The following MCPH1 variants were observed in gnomAD, a reference collection of about 807,000 sequenced individuals.
MCPH1 encodes the protein microcephalin 1.
MCPH1 carries 104 observed loss-of-function variants against 84.5 expected under a neutral mutation model. The ratio of observed to expected loss-of-function variants is 1.23; its 90% CI spans 1.05 to 1.45. The LOEUF (loss-of-function observed/expected upper bound fraction) is 1.45. Among genes scored for constraint, MCPH1 ranks in the 40% most tolerant of loss-of-function variants. MCPH1 has a pLI of 0.00. For missense variants in MCPH1, 1,498 were observed against 1,005.7 expected, an observed-to-expected ratio of 1.49 and a Z score of -6.62; for synonymous variants, 514 against 366.8, an observed-to-expected ratio of 1.40 and a Z score of -4.58.
intron 9 of MCPH1, among the ~76,000 whole-genome samples, chr8:6,460,870 G>T (rs546029557): frequency 1.3e-5 from 2 of 152,198 alleles, no homozygotes; most frequent in Non-Finnish European, 2.9e-5. Flanking sequence ...CAAATAGCTG[G>T]GGCTTGTTTG....
chr8:6,592,623 G>GTTTTTTTTTTTTTTTTTTTTT (rs573651366), intron 12 of MCPH1, among the ~76,000 whole-genome samples: 6 of 77,580 alleles, frequency 7.7e-5, no homozygotes, highest in Admixed American at 3.3e-4. Flanking sequence ...TCTTTTTTTT[G>GTTTTTTTTTTTTTTTTTTTTT]TTTTTTTTTT....
intron 12 of MCPH1, among the ~76,000 whole-genome samples, chr8:6,564,222 C>T (rs898373656): frequency 2.6e-5 from 4 of 152,154 alleles, no homozygotes; most frequent in Admixed American, 6.5e-5. Context: ...GTGATCGACT[C>T]GCCTTTGGCC....
intron 13 of MCPH1, among the ~76,000 whole-genome samples, 162 bp downstream of exon 13, chr8:6,621,853 C>G (rs191623170): frequency 7.9e-5 from 12 of 152,096 alleles, no homozygotes; most frequent in Admixed American, 1.3e-4. Flanking sequence ...TGGTCACCCT[C>G]GGCATTCCCG....
chr8:6,474,948 G>C (rs148853880), intron 9 of MCPH1, among the ~76,000 whole-genome samples: 1 of 152,286 alleles, frequency 6.6e-6, no homozygotes, highest in African/African-American at 2.4e-5. Flanking sequence ...CTAAATGTGT[G>C]AACTTGAATT....
At chr8:6,640,292 G>C (rs1442333206) in intron 13 of MCPH1, among the ~76,000 whole-genome samples, 1 of 151,988 alleles carries the variant, frequency 6.6e-6, no homozygotes, top group Non-Finnish European at 1.5e-5. Flanking sequence ...TGATACACAA[G>C]GCTGCAGCAA....
chr8:6,419,394 A>G lies in MCPH1; in HGVS notation c.233+4511A>G, dbSNP rs2440434. On this transcript the variant is annotated intron_variant, in intron 3 of 13. Transcript: ENST00000344683. ...TGCCACCATGCCCAGCCATTAAAAA[A>G]TTTTTTTTTTCTTTTTTCTTTTTGA... 6.6e-3 allele frequency among the ~76,000 whole-genome samples: 994 copies of G among 151,226 alleles called. 15 individuals carry two copies. The highest frequency in any genetic ancestry group is 0.022 in the African/African-American group (901 of 41,114).
At chr8:6,514,515 C>G (rs1815847400) in intron 12 of MCPH1, among the ~76,000 whole-genome samples, 1 of 152,084 alleles carries the variant, frequency 6.6e-6, no homozygotes, top group Admixed American at 6.6e-5. Context: ...TACAGTTTAC[C>G]TTATATTGGC....
intron 3 of MCPH1, among the ~76,000 whole-genome samples, chr8:6,429,238 C>T (rs553283323): frequency 6.6e-6 from 1 of 152,206 alleles, no homozygotes; most frequent in Non-Finnish European, 1.5e-5. Context: ...TTTCCCTGAG[C>T]TTGGCCTGGT....
chr8:6,548,043 A>G (rs1822926489), intron 12 of MCPH1, among the ~76,000 whole-genome samples: 1 of 152,152 alleles, frequency 6.6e-6, no homozygotes, highest in Admixed American at 6.5e-5. Context: ...TCCAAGTGCC[A>G]GCTTAAACTT....
intron 11 of MCPH1, among the ~76,000 whole-genome samples, chr8:6,481,260 T>G (rs1009937865): frequency 1.3e-5 from 2 of 152,208 alleles, no homozygotes; most frequent in African/African-American, 4.8e-5. Context: ...GCCAAAATAA[T>G]TCAGTGATTG....
intron 12 of MCPH1, among the ~76,000 whole-genome samples, chr8:6,556,188 A>G (rs1162925215): frequency 6.6e-6 from 1 of 152,156 alleles, no homozygotes; most frequent in African/African-American, 2.4e-5. Context: ...TAAAGAGGTA[A>G]TTTAAAATAT....
Position 6,414,815 on chromosome 8 carries a change from C to A in MCPH1, c.165C>A (p.Gly55=), listed in dbSNP as rs772896845. The A allele has an allele frequency of 6.9e-5, 112 of 1,613,600 alleles. 1 individual carries two copies. In the Admixed American group the frequency reaches 1.8e-3, roughly 26 times the overall value. The change falls in exon 3 of 14, where the codon GGC becomes GGA. Residue 55 remains glycine (G), a synonymous_variant. Transcript: ENST00000344683. ...TAACTCACGTTATCTTCAAAGATGG[C>A]TACCAGAGCACTTGGGACAAAGCTC... ...KQVTHVIFKD[G]YQSTWDKAQK... is the part of the protein sequence containing the mutation.
At chr8:6,632,763 T>G (rs1797261305) in intron 13 of MCPH1, among the ~76,000 whole-genome samples, 1 of 151,410 alleles carries the variant, frequency 6.6e-6, no homozygotes, top group African/African-American at 2.4e-5. Flanking sequence ...GAGCCAAGAG[T>G]GCGCCATTGC....
chr8:6,412,137 TG>T (rs1001990382), intron 2 of MCPH1, among the ~76,000 whole-genome samples: 2 of 152,110 alleles, frequency 1.3e-5, no homozygotes, highest in African/African-American at 4.8e-5. Flanking sequence ...ATGCCTGTCT[TG>T]AGTAAGAGGT....
Position 6,477,534 on chromosome 8 carries a change from G to A in MCPH1, c.1936-60G>A, listed in dbSNP as rs978436280. The A allele has an allele frequency of 2.0e-6, 3 of 1,473,666 alleles. No homozygotes were observed. Among genetic ancestry groups the A allele is most frequent in the African/African-American group, 1.4e-5 (1 of 71,990 alleles). The allele number at this position is 1,473,666 out of a possible 1,614,324, so 91.3% of individuals were successfully genotyped here. On this transcript the variant is annotated intron_variant, in intron 9 of 13. Coordinates refer to ENST00000344683, the MANE Select transcript of MCPH1 (RefSeq NM_024596.5). ...AAAACTTATTACAGTTTATTTCTGT[G>A]GGAAAAATATTTTTTATGTTTTTGA... is the stretch of plus-strand genomic sequence containing the variant.
chr8:6,421,850 A>G (rs935074322), intron 3 of MCPH1, among the ~76,000 whole-genome samples: 1 of 151,790 alleles, frequency 6.6e-6, no homozygotes, highest in East Asian at 1.9e-4. Context: ...GCGTCTTCCA[A>G]ATGCTCTGGG....
In MCPH1 at chr8:6,564,620, T is replaced by A. The variant is rs2515509; in HGVS notation, c.2215-56834T>A. 2.0e-5 allele frequency among the ~76,000 whole-genome samples: 3 copies of A among 152,096 alleles called. No individual in the cohort carries two copies. The East Asian group carries it at 5.8e-4, about 29-fold the overall frequency. ...AAGGTACAAGGTTTATTATTCCCAG[T>A]GAGCGCTGAATAGCTGGTACACTGA... On this transcript the variant is annotated intron_variant, in intron 12 of 13. Coordinates refer to ENST00000344683, the MANE Select transcript of MCPH1 (RefSeq NM_024596.5).
intron 9 of MCPH1, among the ~76,000 whole-genome samples, chr8:6,475,665 G>A (rs1808352923): frequency 6.6e-6 from 1 of 152,238 alleles, no homozygotes; most frequent in Non-Finnish European, 1.5e-5. Flanking sequence ...AATGAATGAA[G>A]TGTCAGGCAT....
At chr8:6,464,258 G>T (rs1396682495) in intron 9 of MCPH1, among the ~76,000 whole-genome samples, 1 of 152,184 alleles carries the variant, frequency 6.6e-6, no homozygotes, top group Non-Finnish European at 1.5e-5. Context: ...CCCAGAGCTG[G>T]CAGTGGCGGG....
Sources: allele counts gnomAD v4.1 joint callset (sites outside exome capture counted in the v4.1 genomes callset), GRCh38; gene constraint gnomAD v4.1.1; transcripts MANE v1.5; gene names NCBI Gene and HGNC (gene_info 2026-07-23, HGNC 2026-07-21).